Variants in TPTE observed in about 807,000 individuals in gnomAD.
TPTE encodes the protein transmembrane phosphatase with tensin homology.
TPTE carries 59 observed loss-of-function variants against 84.1 expected under a neutral mutation model. That is an observed-to-expected ratio of 0.70 (90% CI 0.57 to 0.87). TPTE has a LOEUF of 0.87. Among genes scored for constraint, TPTE ranks in the 40% least tolerant of loss-of-function variants. The pLI, the probability that TPTE is intolerant of heterozygous loss-of-function variation, is 0.00. For missense variants in TPTE, 382 were observed against 659.6 expected, an observed-to-expected ratio of 0.58 and a Z score of 4.61; for synonymous variants, 130 against 223.5, an observed-to-expected ratio of 0.58 and a Z score of 3.73.
At chr21:10,560,762 C>G (rs1224489660) in intron 9 of TPTE, among the ~76,000 whole-genome samples, 1 of 152,304 alleles carries the variant, frequency 6.6e-6, no homozygotes, top group Non-Finnish European at 1.5e-5. Flanking sequence ...ACTTTTCTCT[C>G]TTGAGGTGTT....
chr21:10,585,160 G>A (rs2075340144), intron 17 of TPTE, among the ~76,000 whole-genome samples: 1 of 152,278 alleles, frequency 6.6e-6, no homozygotes, highest in South Asian at 2.1e-4. Context: ...AAACCAGGAG[G>A]CAGAGGTTCC....
intron 11 of TPTE, among the ~76,000 whole-genome samples, 167 bp from the exon 12 acceptor site, chr21:10,569,270 G>A (rs2074990490): frequency 6.6e-6 from 1 of 152,312 alleles, no homozygotes; most frequent in South Asian, 2.1e-4. Flanking sequence ...ACGCACGCCA[G>A]TGGTGAAAAC....
chr21:10,540,813 G>C (rs1466480021), intron 4 of TPTE: 6 of 547,266 alleles, frequency 1.1e-5, no homozygotes, highest in Non-Finnish European at 1.8e-5. Context: ...GGAGACTCAG[G>C]AACTAAATTT....
chr21:10,546,698 A>G (rs1371361797), intron 7 of TPTE, among the ~76,000 whole-genome samples: 1 of 152,312 alleles, frequency 6.6e-6, no homozygotes, highest in East Asian at 1.9e-4. Flanking sequence ...TGGATAAAGG[A>G]TCAAACCGGC....
intron 11 of TPTE, among the ~76,000 whole-genome samples, 175 bp from the exon 12 acceptor site, chr21:10,569,262 G>A (rs1828012): frequency 1.6e-4 from 25 of 152,402 alleles, no homozygotes; most frequent in Middle Eastern, 3.4e-3. Flanking sequence ...ACACATGCAC[G>A]CACGCCAGTG....
intron 17 of TPTE, among the ~76,000 whole-genome samples, chr21:10,590,085 C>T (rs1419559663): frequency 5.9e-5 from 9 of 152,410 alleles, no homozygotes; most frequent in Admixed American, 1.3e-4. Flanking sequence ...TCTTCTACTG[C>T]ATTTGTGCAA....
intron 9 of TPTE, among the ~76,000 whole-genome samples, chr21:10,559,761 C>A (rs1327519601): frequency 6.6e-6 from 1 of 152,256 alleles, no homozygotes; most frequent in East Asian, 1.9e-4. Context: ...ATAATCCCAG[C>A]TACTCAGGAG....
intron 8 of TPTE, among the ~76,000 whole-genome samples, chr21:10,557,226 C>T: frequency 6.6e-6 from 1 of 152,426 alleles, no homozygotes; most frequent in South Asian, 2.1e-4. Context: ...CTGTCTGTTG[C>T]TCCCGAGTGT....
At chr21:10,559,606 G>A (rs2074753301) in intron 9 of TPTE, 62 bp downstream of exon 9, 2 of 1,610,896 alleles carry the variant, frequency 1.2e-6, no homozygotes, top group Admixed American at 1.7e-5. Flanking sequence ...GGGCACGGTG[G>A]CTCACACCTG....
rs1432769864 is a variant in TPTE at position 10,570,387 on chromosome 21, T to C, written c.731-98T>C. The C allele has an allele frequency of 2.0e-4, 318 of 1,586,216 alleles. No individual in the cohort carries two copies. In the African/African-American group the frequency reaches 3.6e-3, roughly 18 times the overall value. On this transcript the variant is annotated intron_variant, in intron 13 of 23. Transcript: ENST00000618007. ...AACCTCAATCTTAAAAGGTTTTTTT[T>C]CTGTGAAAATGGAATCTGATCATGT... is the stretch of plus-strand genomic sequence containing the variant.
intron 17 of TPTE, among the ~76,000 whole-genome samples, chr21:10,582,547 A>G (rs1444792556): frequency 4.6e-5 from 7 of 152,308 alleles, no homozygotes; most frequent in Non-Finnish European, 1.0e-4. Context: ...AGAAGTGACA[A>G]CTTTGCGATA....
intron 9 of TPTE, among the ~76,000 whole-genome samples, chr21:10,560,732 G>T (rs1395408889): frequency 6.6e-6 from 1 of 152,300 alleles, no homozygotes. Flanking sequence ...TAAACAGACA[G>T]GTGATTTTAA....
intron 8 of TPTE, among the ~76,000 whole-genome samples, chr21:10,557,414 C>T (rs1222569907): frequency 1.3e-5 from 2 of 152,306 alleles, no homozygotes; most frequent in African/African-American, 2.4e-5. Flanking sequence ...GGGGCTAAAG[C>T]CACCCAAGCC....
chr21:10,554,914 C>T (rs1357586754), intron 8 of TPTE, among the ~76,000 whole-genome samples: 2 of 152,308 alleles, frequency 1.3e-5, no homozygotes, highest in Admixed American at 6.5e-5. Flanking sequence ...TTTTAGTGAT[C>T]TAGAGTGAGC....
At chr21:10,538,640 T>A (rs1289266747) in intron 3 of TPTE, 41 bp from the exon 4 acceptor site, 1 of 1,613,552 alleles carries the variant, frequency 6.2e-7, no homozygotes, top group African/African-American at 1.3e-5. Context: ...AAATTTTGAA[T>A]TGTGTCTCCT....
At chr21:10,587,121 G>A (rs201119895) in intron 17 of TPTE, among the ~76,000 whole-genome samples, 5 of 152,270 alleles carry the variant, frequency 3.3e-5, no homozygotes, top group African/African-American at 1.2e-4. Context: ...ATGATAAATT[G>A]CATTAATATA....
At chr21:10,561,519 A>G (rs1244173860) in intron 10 of TPTE, among the ~76,000 whole-genome samples, 1 of 152,302 alleles carries the variant, frequency 6.6e-6, no homozygotes, top group Non-Finnish European at 1.5e-5. Context: ...AGCATTTTAA[A>G]ATAATTAACG....
At chr21:10,551,524 A>G (rs1216620077) in intron 7 of TPTE, among the ~76,000 whole-genome samples, 2 of 152,312 alleles carry the variant, frequency 1.3e-5, no homozygotes, top group Admixed American at 1.3e-4. Flanking sequence ...ACCTCAAGAA[A>G]CTAGAATAGT....
chr21:10,546,054 C>G (rs1475642203), intron 7 of TPTE, among the ~76,000 whole-genome samples: 2 of 152,286 alleles, frequency 1.3e-5, no homozygotes, highest in East Asian at 1.9e-4. Context: ...TTTTATTGCC[C>G]CTCAGATATT....
Sources: allele counts gnomAD v4.1 joint callset (sites outside exome capture counted in the v4.1 genomes callset), GRCh38; gene constraint gnomAD v4.1.1; transcripts MANE v1.5; gene names NCBI Gene and HGNC (gene_info 2026-07-23, HGNC 2026-07-21).